Variants in CNTNAP5 observed in about 807,000 individuals in gnomAD.
The protein encoded by CNTNAP5 is contactin-associated protein-like 5.
A neutral mutation model predicts 150.2 loss-of-function variants in CNTNAP5; 72 were observed. The ratio of observed to expected loss-of-function variants is 0.48; its 90% CI spans 0.40 to 0.58. The LOEUF (loss-of-function observed/expected upper bound fraction) is 0.58, where lower values mean the gene tolerates loss of function less well. Among genes scored for constraint, CNTNAP5 ranks in the 20% least tolerant of loss-of-function variants. The pLI, the probability that CNTNAP5 is intolerant of heterozygous loss-of-function variation, is 0.00. For missense variants in CNTNAP5, 1,636 were observed against 1,626.2 expected (o/e 1.01, Z -0.10); for synonymous variants, 672 against 619.8 (o/e 1.08, Z -1.25).
chr2:124,859,997 G>A (rs184528521), intron 19 of CNTNAP5, among the ~76,000 whole-genome samples: 77 of 151,802 alleles, frequency 5.1e-4, no homozygotes, highest in Admixed American at 8.5e-4. Flanking sequence ...AACATGGCAC[G>A]TGTATACATA....
intron 1 of CNTNAP5, among the ~76,000 whole-genome samples, chr2:124,048,342 C>T (rs1235075082): frequency 5.3e-5 from 8 of 152,142 alleles, no homozygotes; most frequent in South Asian, 4.1e-4. Flanking sequence ...TTTTCTTCCT[C>T]GTATATTTTG....
chr2:124,485,803 A>C (rs1693867129), intron 7 of CNTNAP5, among the ~76,000 whole-genome samples: 1 of 152,020 alleles, frequency 6.6e-6, no homozygotes, highest in African/African-American at 2.4e-5. Flanking sequence ...AATGGAGGAC[A>C]GGAACCTGGA....
At chr2:124,745,208 A>G (rs977786224) in intron 13 of CNTNAP5, among the ~76,000 whole-genome samples, 1 of 152,162 alleles carries the variant, frequency 6.6e-6, no homozygotes, top group African/African-American at 2.4e-5. Flanking sequence ...GGCTGTTCAG[A>G]GCTTATACCA....
rs1002925049 is a variant in CNTNAP5 at position 124,647,796 on chromosome 2, G to C, written c.1915G>C (p.Glu639Gln). The change falls in exon 13 of 24, where the codon GAG becomes CAG. Residue 639 changes from glutamate to glutamine, a missense_variant. By Grantham distance (29) the Glu-to-Gln change is conservative. Transcript: ENST00000682447. ...IWTSVQHNNTELTRVRGANPE... is the reference protein window; with the variant it reads ...IWTSVQHNNTQLTRVRGANPE... ...GACATCAGTGCAGCACAACAATACA[G>C]AGCTGACCCGAGTGCGGGGCGCTAA... The C allele has an allele frequency of 6.2e-7, 1 of 1,613,006 alleles. No homozygotes were observed. Among genetic ancestry groups the C allele is most frequent in the Admixed American group, 1.7e-5 (1 of 59,942 alleles).
chr2:124,074,533 A>T (rs1307009718), intron 1 of CNTNAP5, among the ~76,000 whole-genome samples: 1 of 152,130 alleles, frequency 6.6e-6, no homozygotes, highest in East Asian at 1.9e-4. Context: ...GAACAAGGAG[A>T]GGAATAATGT....
At chr2:124,816,196 C>T (rs1682357345) in intron 19 of CNTNAP5, among the ~76,000 whole-genome samples, 1 of 152,170 alleles carries the variant, frequency 6.6e-6, no homozygotes, top group Non-Finnish European at 1.5e-5. Context: ...CGTTTCTTAT[C>T]TCACAGTTCC....
rs1695906066 is a variant in CNTNAP5 at position 124,562,031 on chromosome 2, G to A, written c.1650-1186G>A. Among the ~76,000 whole-genome samples the A allele has an allele frequency of 2.0e-5, 3 of 152,060 alleles. No individual in the cohort carries two copies. The South Asian group carries it at 6.2e-4, about 32-fold the overall frequency. ...TAATTTCATTCACTGCATTTACTGA[G>A]CACCAACCAGGTTATCTCTTAATGG... On this transcript the variant is annotated intron_variant, in intron 10 of 23. Transcript: ENST00000682447.
At chr2:124,890,736 A>G (rs920736135) in intron 21 of CNTNAP5, among the ~76,000 whole-genome samples, 1 of 152,148 alleles carries the variant, frequency 6.6e-6, no homozygotes, top group Non-Finnish European at 1.5e-5. Flanking sequence ...AATTTTATAT[A>G]GACAATACAT....
chr2:124,592,714 C>A (rs547908648), intron 11 of CNTNAP5, among the ~76,000 whole-genome samples: 8 of 151,924 alleles, frequency 5.3e-5, no homozygotes, highest in Non-Finnish European at 1.0e-4. Context: ...CTATAAGTAA[C>A]GTCAGACATC....
chr2:124,394,077 T>C lies in CNTNAP5; in HGVS notation c.382-23366T>C, dbSNP rs34609886. Among the ~76,000 whole-genome samples the C allele has an allele frequency of 8.1e-3, 1,227 of 152,186 alleles. 11 individuals are homozygous for C. The highest frequency in any genetic ancestry group is 0.014 in the Non-Finnish European group (939 of 67,994). On this transcript the variant is annotated intron_variant, in intron 3 of 23. Coordinates refer to ENST00000682447, the MANE Select transcript of CNTNAP5 (RefSeq NM_001367498.1). ...ATTATATGTTTTCTGTAGCCATTAA[T>C]AAAAGGTGAATAAGCTGGGCACGGT...
chr2:124,079,312 C>CA (rs1199505196), intron 1 of CNTNAP5, among the ~76,000 whole-genome samples: 1 of 152,186 alleles, frequency 6.6e-6, no homozygotes, highest in Non-Finnish European at 1.5e-5. Context: ...TTCTTCCCAT[C>CA]ACACCACGCC....
intron 20 of CNTNAP5, among the ~76,000 whole-genome samples, chr2:124,865,953 T>A (rs1406968646): frequency 4.5e-5 from 6 of 132,278 alleles, no homozygotes; most frequent in Non-Finnish European, 6.6e-5. Context: ...AAAAAAAAAA[T>A]TAAAAGAAAA....
At chr2:124,059,568 T>G (rs933509006) in intron 1 of CNTNAP5, among the ~76,000 whole-genome samples, 1 of 152,168 alleles carries the variant, frequency 6.6e-6, no homozygotes. Context: ...TAGCAGCCTT[T>G]GTCATACACG....
At chr2:124,710,867 G>C (rs1679791511) in intron 13 of CNTNAP5, among the ~76,000 whole-genome samples, 1 of 152,158 alleles carries the variant, frequency 6.6e-6, no homozygotes, top group South Asian at 2.1e-4. Context: ...TGGGTGTTCT[G>C]GAAAGTTTTC....
intron 7 of CNTNAP5, among the ~76,000 whole-genome samples, chr2:124,491,195 C>A (rs913352789): frequency 3.3e-5 from 5 of 151,926 alleles, no homozygotes; most frequent in Non-Finnish European, 7.4e-5. Flanking sequence ...AAGTTTGTAC[C>A]CTTTGATTAA....
At chr2:124,458,014 A>G (rs953903052) in intron 6 of CNTNAP5, among the ~76,000 whole-genome samples, 3 of 118,670 alleles carry the variant, frequency 2.5e-5, no homozygotes, top group Admixed American at 8.9e-5. Context: ...AAGACTCCTT[A>G]AAGAACTAAA....
intron 3 of CNTNAP5, among the ~76,000 whole-genome samples, chr2:124,358,628 C>G (rs1161903640): frequency 3.9e-5 from 6 of 152,186 alleles, no homozygotes; most frequent in African/African-American, 7.2e-5. Context: ...ATATATTGAA[C>G]CAGCCTTGCA....
chr2:124,833,534 G>C (rs1682763450), intron 19 of CNTNAP5, among the ~76,000 whole-genome samples: 1 of 152,148 alleles, frequency 6.6e-6, no homozygotes, highest in Admixed American at 6.5e-5. Context: ...TTATTCAGAA[G>C]TCTTACTGAA....
rs532183834 is a variant in CNTNAP5 at position 124,789,804 on chromosome 2, A to G, written c.2753-98A>G. 1.1e-5 allele frequency: 12 copies of G among 1,103,570 alleles called. No individual in the cohort carries two copies. In the Middle Eastern group the frequency reaches 8.3e-4, roughly 77 times the overall value. The allele number at this position is 1,103,570 out of a possible 1,614,324, so 68.4% of individuals were successfully genotyped here. ...AAAATTAATTTAGACCTTCATGACA[A>G]CAGAGAACTACTTAACTCTTACCCA... On this transcript the variant is annotated intron_variant, in intron 17 of 23. Coordinates refer to ENST00000682447, the MANE Select transcript of CNTNAP5 (RefSeq NM_001367498.1).
Sources: allele counts gnomAD v4.1 joint callset (sites outside exome capture counted in the v4.1 genomes callset), GRCh38; gene constraint gnomAD v4.1.1; transcripts MANE v1.5; gene names NCBI Gene and HGNC (gene_info 2026-07-23, HGNC 2026-07-21).